TMEM233: variants seen among roughly 807,000 people sequenced by gnomAD.
TMEM233 encodes the protein transmembrane protein 233.
In TMEM233, 6 loss-of-function variants were observed where a neutral mutation model predicts 11.2. The observed-to-expected ratio is 0.54, with a 90% CI of 0.29 to 1.06. The LOEUF is 1.06. Among genes scored for constraint, TMEM233 ranks in the 50% least tolerant of loss-of-function variants. TMEM233 has a pLI of 0.08. For synonymous variants in TMEM233, 59 were observed against 55.8 expected (o/e 1.06, Z -0.26); for missense variants, 127 against 144.7 (o/e 0.88, Z 0.63).
chr12:119,610,938 C>A (rs1954385613), intron 1 of TMEM233, among the ~76,000 whole-genome samples: 1 of 152,082 alleles, frequency 6.6e-6, no homozygotes. Context: ...AATATGTGAT[C>A]TTTCATATAT....
intron 2 of TMEM233, among the ~76,000 whole-genome samples, chr12:119,639,682 G>A (rs1451495924): frequency 1.3e-5 from 2 of 152,122 alleles, no homozygotes; most frequent in African/African-American, 4.8e-5. Flanking sequence ...TGGAGTTCCA[G>A]TCCAGGTGCT....
the TMEM233 span, among the ~76,000 whole-genome samples, chr12:119,652,292 G>A: frequency 1.3e-5 from 2 of 152,202 alleles, no homozygotes; most frequent in African/African-American, 4.8e-5. Context: ...TTTAAAATGA[G>A]AAGCAAAAAT....
At chr12:119,624,380 GATA>G (rs1227665885) in intron 1 of TMEM233, among the ~76,000 whole-genome samples, 1 of 151,706 alleles carries the variant, frequency 6.6e-6, no homozygotes, top group Admixed American at 6.6e-5. Context: ...AAATTTTAAT[GATA>G]ATAATAATGC....
At chr12:119,644,608 G>A (rs1412781472), downstream of TMEM233, among the ~76,000 whole-genome samples, 1 of 151,668 alleles carries the variant, frequency 6.6e-6, no homozygotes, top group African/African-American at 2.4e-5. Flanking sequence ...TTCCTGAGTA[G>A]CTGGGATTAC....
chr12:119,630,283 T>C (rs1464123890), intron 2 of TMEM233, among the ~76,000 whole-genome samples: 1 of 152,192 alleles, frequency 6.6e-6, no homozygotes, highest in Admixed American at 6.5e-5. Context: ...AGGTCAACAA[T>C]ATGGATCCAT....
chr12:119,610,500 A>C (rs1180719406), intron 1 of TMEM233, among the ~76,000 whole-genome samples: 1 of 152,122 alleles, frequency 6.6e-6, no homozygotes, highest in Non-Finnish European at 1.5e-5. Context: ...CTCATCTTGA[A>C]TTGCAGTTTC....
intron 1 of TMEM233, among the ~76,000 whole-genome samples, chr12:119,596,659 A>C (rs773929227): frequency 5.3e-5 from 8 of 151,498 alleles, no homozygotes; most frequent in Non-Finnish European, 1.0e-4. Context: ...CGCCCGACTA[A>C]TTTTTGTATT....
rs1954036079 is a variant in TMEM233, at chr12:119,595,890, A to G, written c.186+1856A>G. ...GTTTACAGTCTGTGTCCCTCTCATT[A>G]GAATATAAGCTCCATAAGGGCAGGA... On this transcript the variant is annotated intron_variant, in intron 1 of 2. Transcript: ENST00000426426. This position sits in a 1 kb window ranked among gnomAD's most constrained non-coding sequence, Gnocchi z 4.3. 1.3e-5 allele frequency among the ~76,000 whole-genome samples: 2 copies of G among 152,228 alleles called. No homozygotes were observed. Among genetic ancestry groups the G allele is most frequent in the African/African-American group, 4.8e-5 (2 of 41,470 alleles).
intron 2 of TMEM233, chr12:119,631,492 A>G: frequency 2.0e-6 from 2 of 985,104 alleles, no homozygotes; most frequent in Non-Finnish European, 2.4e-6. Flanking sequence ...GGCCAAATAA[A>G]AGAGAAAAGG....
chr12:119,596,580 C>T (rs11064841), intron 1 of TMEM233, among the ~76,000 whole-genome samples: 9,520 of 149,886 alleles, frequency 0.064, 409 homozygotes, highest in Middle Eastern at 0.14. Flanking sequence ...CAACCTCCAC[C>T]TCCCGGGTTC....
intron 2 of TMEM233, among the ~76,000 whole-genome samples, chr12:119,631,998 C>G (rs1954895754): frequency 6.6e-6 from 1 of 152,092 alleles, no homozygotes; most frequent in Non-Finnish European, 1.5e-5. Context: ...GAATTCAAGG[C>G]TTTATATTTA....
rs1955108174 is a variant in TMEM233, at chr12:119,643,019, CAAATGA to C, written c.*2318_*2323del. 6.6e-6 allele frequency: 1 copy of C among 152,198 alleles called. No homozygotes were observed. The highest frequency in any genetic ancestry group is 1.5e-5 in the Non-Finnish European group (1 of 68,044). The allele number at this position is 152,198 out of a possible 1,614,324, so 9.4% of individuals were successfully genotyped here. On this transcript the variant is annotated 3_prime_UTR_variant, in exon 3 of 3. Coordinates refer to ENST00000426426, the MANE Select transcript of TMEM233 (RefSeq NM_001136534.3). ...TGGGTCCCTGGTCTTTTACCCAAAT[CAAATGA>C]AAAGTGTTGCTCAGAGGCAGAATAA...
downstream of TMEM233, among the ~76,000 whole-genome samples, chr12:119,645,320 C>CAAAA (rs3078450): frequency 1.5e-3 from 112 of 74,802 alleles, 4 homozygotes; most frequent in African/African-American, 5.2e-3. Context: ...CACCAATTAC[C>CAAAA]AAAAAAAAAA....
rs1045962831 is a variant in TMEM233 at position 119,642,622 on chromosome 12, C to T, written c.*1917C>T. On this transcript the variant is annotated 3_prime_UTR_variant, in exon 3 of 3. Transcript: ENST00000426426. ...TGATTTTAGGCAAGTTTCATAGCCT[C>T]TCTGTGCCTAAAATTCCTTCACCTG... is the stretch of plus-strand genomic sequence containing the variant. 5 of 152,112 alleles carry T rather than the reference C, an allele frequency of 3.3e-5. No individual in the cohort carries two copies. The highest frequency in any genetic ancestry group is 7.4e-5 in the Non-Finnish European group (5 of 68,014). The allele number at this position is 152,112 out of a possible 1,614,324, so 9.4% of individuals were successfully genotyped here.
the TMEM233 span, among the ~76,000 whole-genome samples, chr12:119,649,152 G>C: frequency 1.3e-5 from 2 of 152,072 alleles, no homozygotes; most frequent in African/African-American, 4.8e-5. Flanking sequence ...ACAAAAATTA[G>C]CCGAGAGTGG....
intron 1 of TMEM233, among the ~76,000 whole-genome samples, chr12:119,614,065 T>C (rs1426837458): frequency 4.0e-5 from 6 of 151,424 alleles, no homozygotes; most frequent in Non-Finnish European, 8.8e-5. Context: ...AGAATGTGAG[T>C]TTCTCCCAGG....
chr12:119,646,160 CA>C (rs1273393368), downstream of TMEM233, among the ~76,000 whole-genome samples: 1 of 151,920 alleles, frequency 6.6e-6, no homozygotes, highest in Non-Finnish European at 1.5e-5. Flanking sequence ...CAGGTTCAAG[CA>C]ATTCTTCTGC....
At chr12:119,611,037 T>C (rs559350297) in intron 1 of TMEM233, among the ~76,000 whole-genome samples, 1 of 152,366 alleles carries the variant, frequency 6.6e-6, no homozygotes, top group East Asian at 1.9e-4. Flanking sequence ...TGAATAATAT[T>C]CTGTTGTATG....
At position 119,640,564 on chromosome 12, in the gene TMEM233, C is replaced by T. The variant is rs528638699; in HGVS notation, c.324-135C>T. 28 of 927,574 alleles carry T rather than the reference C, an allele frequency of 3.0e-5. No homozygotes were observed. In the Admixed American group the frequency reaches 3.5e-4, roughly 12 times the overall value. 57.5% of individuals were successfully genotyped at this position (927,574 alleles called of 1,614,324 possible). A position where few individuals can be genotyped will look rare whatever the true frequency, so the allele number is the denominator to read the frequency against. On this transcript the variant is annotated intron_variant, in intron 2 of 2. Coordinates refer to ENST00000426426, the MANE Select transcript of TMEM233 (RefSeq NM_001136534.3). ...CCCTGCTTAGAGTCAAAAGTGTGCA[C>T]GCAGGCTGGTACATTTCAACATGTG...
Sources: gnomAD v4.1 joint callset for allele counts (sites outside exome capture counted in the v4.1 genomes callset) on GRCh38, gnomAD v4.1.1 for gene constraint, Gnocchi (gnomAD v3.1) non-coding constraint, MANE v1.5 for transcripts, NCBI Gene and HGNC (gene_info 2026-07-23, HGNC 2026-07-21) for gene names.